Variants in ZNF354A observed in about 807,000 individuals in gnomAD.
ZNF354A encodes zinc finger protein 354A.
In ZNF354A, 25 loss-of-function variants were observed where a neutral mutation model predicts 53.3. The observed-to-expected ratio is 0.47, with a 90% CI of 0.34 to 0.66. ZNF354A has a LOEUF of 0.66. Among genes scored for constraint, ZNF354A ranks in the 30% least tolerant of loss-of-function variants. The pLI, the probability that ZNF354A is intolerant of heterozygous loss-of-function variation, is 0.01. For missense variants in ZNF354A, 586 were observed against 716.8 expected (o/e 0.82, Z 2.08); for synonymous variants, 228 against 249.0 (o/e 0.92, Z 0.79).
At chr5:178,721,785 C>T (rs977843661) in intron 4 of ZNF354A, among the ~76,000 whole-genome samples, 3 of 152,184 alleles carry the variant, frequency 2.0e-5, no homozygotes, top group African/African-American at 4.8e-5. Context: ...CCCTTACAGA[C>T]GACCTACTCA....
intron 4 of ZNF354A, among the ~76,000 whole-genome samples, chr5:178,720,908 A>G (rs775903201): frequency 6.6e-6 from 1 of 152,240 alleles, no homozygotes; most frequent in Non-Finnish European, 1.5e-5. Flanking sequence ...GGCAATTCAA[A>G]TAATTCTTTT....
rs374963031 is a variant in ZNF354A at position 178,716,250 on chromosome 5, A to G, written c.257-2629T>C. 5.3e-5 allele frequency among the ~76,000 whole-genome samples: 8 copies of G among 152,218 alleles called. 1 individual carries two copies. In the South Asian group the frequency reaches 1.0e-3, roughly 20 times the overall value. The stretch of plus-strand genomic sequence containing the variant: ...TGGCAAACTTCCTTAAGGTCCTCCA[A>G]TAGATTTTCAATGATTCACATCTGA... On this transcript the variant is annotated intron_variant, in intron 4 of 4. Coordinates refer to ENST00000335815, the MANE Select transcript of ZNF354A (RefSeq NM_005649.3).
chr5:178,721,945 GC>G (rs143303385), intron 4 of ZNF354A, among the ~76,000 whole-genome samples: 1,901 of 152,102 alleles, frequency 0.012, 17 homozygotes, highest in South Asian at 0.023. Flanking sequence ...CCCTCCCTCA[GC>G]CCCCTCATCT....
intron 4 of ZNF354A, among the ~76,000 whole-genome samples, chr5:178,721,933 C>T (rs1222004157): frequency 6.6e-6 from 1 of 151,872 alleles, no homozygotes; most frequent in African/African-American, 2.4e-5. Flanking sequence ...CTTAATAATT[C>T]TCCCTCCCTC....
chr5:178,713,725 G>A, intron 4 of ZNF354A, 104 bp from the exon 5 acceptor site: 1 of 1,357,858 alleles, frequency 7.4e-7, no homozygotes. Flanking sequence ...ATTTAAATAA[G>A]ACCCTGATAT....
intron 1 of ZNF354A, 104 bp downstream of exon 1, chr5:178,730,452 G>T (rs977865867): frequency 5.3e-5 from 8 of 152,150 alleles, no homozygotes; most frequent in African/African-American, 1.9e-4. Context: ...CAGACGCGGG[G>T]GTGCCCGCCA....
At chr5:178,729,597 CTG>C (rs1765988422) in intron 1 of ZNF354A, among the ~76,000 whole-genome samples, 1 of 151,754 alleles carries the variant, frequency 6.6e-6, no homozygotes, top group African/African-American at 2.4e-5. Context: ...GTTGGCCAGA[CTG>C]GAGTGCAGTA....
At chr5:178,724,522 G>A (rs192702313) in intron 4 of ZNF354A, among the ~76,000 whole-genome samples, 1 of 152,284 alleles carries the variant, frequency 6.6e-6, no homozygotes, top group East Asian at 1.9e-4. Flanking sequence ...ACCGTGCCCA[G>A]CGTTCTGCCT....
intron 4 of ZNF354A, among the ~76,000 whole-genome samples, chr5:178,724,190 C>T (rs1379353649): frequency 3.9e-5 from 6 of 152,092 alleles, no homozygotes; most frequent in Admixed American, 1.3e-4. Flanking sequence ...CCTCCTGCCT[C>T]CCTCCATGAC....
chr5:178,727,339 T>C (rs1337514225), intron 2 of ZNF354A, among the ~76,000 whole-genome samples: 1 of 152,176 alleles, frequency 6.6e-6, no homozygotes, highest in African/African-American at 2.4e-5. Flanking sequence ...CTGTAAGAGA[T>C]GGGTAGAGGA....
intron 3 of ZNF354A, chr5:178,726,093 C>G: frequency 2.3e-6 from 1 of 432,186 alleles, no homozygotes. Flanking sequence ...CTGCCCGCCT[C>G]GGCCTCCCAA....
chr5:178,712,093 A>T lies in ZNF354A; in HGVS notation c.1785T>A (p.Asn595Lys), dbSNP rs1765629222. The part of the protein sequence containing the change: ...KLFNHRSSLT[N>K]HYKIHIEEDP Reference sequence around the variant, plus strand: ...CCTCTTCGATATGAATTTTATAATGATTAGTAAGGGATGACCTATGGTTGA... The same window carrying T: ...CCTCTTCGATATGAATTTTATAATGTTTAGTAAGGGATGACCTATGGTTGA... The change falls in exon 5 of 5, where the codon AAT (asparagine) becomes AAA (lysine). Residue 595 changes from asparagine to lysine, a missense_variant. Physicochemically the swap from Asn to Lys is moderately conservative, Grantham distance 94 (BLOSUM62 0). Transcript: ENST00000335815. 6.2e-7 allele frequency: 1 copy of T among 1,606,308 alleles called. No individual in the cohort carries two copies. Among genetic ancestry groups the T allele is most frequent in the Non-Finnish European group, 8.5e-7 (1 of 1,176,036 alleles).
At chr5:178,728,575 A>C (rs1765956732) in intron 2 of ZNF354A, among the ~76,000 whole-genome samples, 1 of 151,584 alleles carries the variant, frequency 6.6e-6, no homozygotes, top group East Asian at 1.9e-4. Context: ...GGATCACCTG[A>C]GGTCAGGAGT....
intron 4 of ZNF354A, among the ~76,000 whole-genome samples, chr5:178,720,037 A>G (rs1411803997): frequency 2.0e-5 from 3 of 152,240 alleles, no homozygotes; most frequent in Non-Finnish European, 4.4e-5. Context: ...GGAACTGCAC[A>G]TAAACCATGA....
chr5:178,716,681 T>C (rs986921433), intron 4 of ZNF354A, among the ~76,000 whole-genome samples: 11 of 152,096 alleles, frequency 7.2e-5, no homozygotes, highest in African/African-American at 2.7e-4. Flanking sequence ...AAGAGCTCCC[T>C]GGGCAAAGGA....
chr5:178,727,872 C>T (rs1490041913), intron 2 of ZNF354A, among the ~76,000 whole-genome samples: 1 of 151,660 alleles, frequency 6.6e-6, no homozygotes, highest in Non-Finnish European at 1.5e-5. Flanking sequence ...TTCTTTGAGA[C>T]AGAGTTTGGC....
chr5:178,717,077 C>CAAAAAA (rs5873633), intron 4 of ZNF354A, among the ~76,000 whole-genome samples: 58 of 65,036 alleles, frequency 8.9e-4, no homozygotes, highest in Non-Finnish European at 1.1e-3. Context: ...GACTCCATCT[C>CAAAAAA]AAAAAAAAAA....
intron 4 of ZNF354A, among the ~76,000 whole-genome samples, chr5:178,720,744 G>A (rs1765798162): frequency 1.3e-5 from 2 of 152,138 alleles, no homozygotes. Context: ...CGTCCACTAG[G>A]TTATGCTAGA....
At position 178,713,433 on chromosome 5, in the gene ZNF354A, G is replaced by A; in HGVS notation, c.445C>T (p.His149Tyr). The part of the protein sequence containing the change: ...KGSFQIVSAT[H>Y]KKIPTIERSH... ...CTTTCTATAGTGGGGATTTTTTTGT[G>A]GGTGGCTGAAACTATCTGAAAACTT... Residue 149 changes from histidine to tyrosine, a missense_variant, in exon 5 of 5, where the codon CAC (histidine) becomes TAC (tyrosine). Physicochemically the swap from His to Tyr is moderately conservative, Grantham distance 83. Around this residue, in one of 2 missense-constraint regions of ZNF354A, gnomAD observed 573 missense variants for 680.1 expected, o/e 0.84. Transcript: ENST00000335815. 2 of 1,612,888 alleles carry A rather than the reference G, an allele frequency of 1.2e-6. No individual in the cohort carries two copies.
Sources: allele counts gnomAD v4.1 joint callset (sites outside exome capture counted in the v4.1 genomes callset), GRCh38; gene constraint gnomAD v4.1.1; regional missense constraint gnomAD v4.1.1; transcripts MANE v1.5; gene names NCBI Gene and HGNC (gene_info 2026-07-23, HGNC 2026-07-21).